The following PTPRR variants were observed in gnomAD, a reference collection of about 807,000 sequenced individuals.
PTPRR encodes the protein protein tyrosine phosphatase receptor type R, also known as receptor-type tyrosine-protein phosphatase R.
Under a neutral mutation model 77.2 loss-of-function variants are expected in PTPRR, and 38 were observed. That is an observed-to-expected ratio of 0.49 (90% CI 0.38 to 0.65). The LOEUF is 0.65. PTPRR is among the 30% of genes least tolerant of loss of function. The pLI is 0.00. For synonymous variants in PTPRR, 299 were observed against 283.1 expected, an observed-to-expected ratio of 1.06 and a Z score of -0.57; for missense variants, 744 against 799.2, an observed-to-expected ratio of 0.93 and a Z score of 0.83.
intron 2 of PTPRR, among the ~76,000 whole-genome samples, chr12:70,860,774 A>G (rs1892739421): frequency 6.6e-6 from 1 of 152,128 alleles, no homozygotes; most frequent in South Asian, 2.1e-4. Context: ...TCTGATAAAA[A>G]AGCATTTACT....
intron 8 of PTPRR, 92 bp from the exon 9 acceptor site, chr12:70,684,875 A>G: frequency 1.2e-6 from 1 of 804,192 alleles, no homozygotes; most frequent in Non-Finnish European, 2.0e-6. Context: ...GAAACCTGTT[A>G]TGTATTGATT....
chr12:70,713,858 AT>A (rs1424718189), intron 6 of PTPRR, among the ~76,000 whole-genome samples: 19 of 152,128 alleles, frequency 1.2e-4, no homozygotes, highest in Admixed American at 7.2e-4. Flanking sequence ...AGTATTTGTG[AT>A]GATTAATTTT....
At chr12:70,663,182 A>C (rs1886859430) in intron 10 of PTPRR, among the ~76,000 whole-genome samples, 1 of 152,124 alleles carries the variant, frequency 6.6e-6, no homozygotes, top group Non-Finnish European at 1.5e-5. Flanking sequence ...AGTTTTTTTC[A>C]CTTATGGAAC....
At chr12:70,661,241 G>A in intron 11 of PTPRR, 144 bp from the exon 12 acceptor site, 1 of 1,019,180 alleles carries the variant, frequency 9.8e-7, no homozygotes, top group Non-Finnish European at 1.5e-6. Context: ...GATTTTTGAA[G>A]AGTGCCCTTT....
At chr12:70,683,085 CAT>C (rs1176890948) in intron 10 of PTPRR, among the ~76,000 whole-genome samples, 1 of 152,064 alleles carries the variant, frequency 6.6e-6, no homozygotes, top group Non-Finnish European at 1.5e-5. Context: ...CTTTAAAACA[CAT>C]ATAAATTGCT....
At chr12:70,704,331 T>C (rs918816508) in intron 6 of PTPRR, among the ~76,000 whole-genome samples, 2 of 151,964 alleles carry the variant, frequency 1.3e-5, no homozygotes, top group African/African-American at 4.8e-5. Context: ...GGCCGGAAGA[T>C]TGCTTGAGCC....
chr12:70,661,526 C>G (rs1886800411), intron 11 of PTPRR, among the ~76,000 whole-genome samples: 1 of 152,074 alleles, frequency 6.6e-6, no homozygotes, highest in Admixed American at 6.6e-5. Context: ...ATCAGTCATG[C>G]TAATACTTCT....
At chr12:70,711,545 A>G (rs1156462) in intron 6 of PTPRR, among the ~76,000 whole-genome samples, 120,416 of 151,722 alleles carry the variant, frequency 0.79, 49,669 homozygotes, top group East Asian at 1. Context: ...GAAATAATGT[A>G]TACAACAAAC....
At chr12:70,643,024 G>C (rs966440149) in intron 13 of PTPRR, among the ~76,000 whole-genome samples, 1 of 152,136 alleles carries the variant, frequency 6.6e-6, no homozygotes, top group African/African-American at 2.4e-5. Context: ...AGAAAAATTA[G>C]CTGGACATGG....
At position 70,684,119 on chromosome 12, in the gene PTPRR, G is replaced by A; in HGVS notation, c.1497+8C>T. The A allele has an allele frequency of 1.9e-6, 3 of 1,613,154 alleles. No homozygotes were observed. The highest frequency in any genetic ancestry group is 1.7e-6 in the Non-Finnish European group (2 of 1,179,476). ...ATATAACATTCAGAACTTGATTAAA[G>A]ATCATACCTCATTTTTTTCTTTGAG... On this transcript the variant is annotated splice_region_variant and intron_variant, in intron 10 of 13. Coordinates refer to ENST00000283228, the MANE Select transcript of PTPRR (RefSeq NM_002849.4).
chr12:70,807,234 T>C (rs1193318020), intron 2 of PTPRR, among the ~76,000 whole-genome samples: 1 of 152,220 alleles, frequency 6.6e-6, no homozygotes, highest in Non-Finnish European at 1.5e-5. Context: ...GTTGAACTAC[T>C]GCATCTACTC....
chr12:70,705,276 T>A (rs914653130), intron 6 of PTPRR, among the ~76,000 whole-genome samples: 30 of 152,190 alleles, frequency 2.0e-4, no homozygotes, highest in African/African-American at 6.5e-4. Flanking sequence ...TACAGTAACA[T>A]TACAACTGAG....
intron 1 of PTPRR, among the ~76,000 whole-genome samples, chr12:70,913,292 A>T (rs1366909383): frequency 6.6e-6 from 1 of 152,162 alleles, no homozygotes; most frequent in East Asian, 1.9e-4. Flanking sequence ...CAACCACTCA[A>T]ATATTCAGAC....
rs570406028 is a variant in PTPRR at position 70,859,655 on chromosome 12, A to G, written c.357+33024T>C. ...ATTTGAGAAGCAGGAAAGGAATTGG[A>G]GTGAGTTTCTTTGTGATGTCTTTTA... is the stretch of plus-strand genomic sequence containing the variant. On this transcript the variant is annotated intron_variant, in intron 2 of 13. Coordinates refer to ENST00000283228, the MANE Select transcript of PTPRR (RefSeq NM_002849.4). Among the ~76,000 whole-genome samples the G allele has an allele frequency of 2.1e-4, 32 of 152,090 alleles. No individual in the cohort carries two copies. In the South Asian group the frequency reaches 6.4e-3, roughly 31 times the overall value.
chr12:70,794,799 A>T (rs1891482909), intron 2 of PTPRR, among the ~76,000 whole-genome samples: 1 of 152,222 alleles, frequency 6.6e-6, no homozygotes, highest in Non-Finnish European at 1.5e-5. Context: ...TGACATAGCC[A>T]CAGGCAGATA....
chr12:70,772,867 ACTTT>A (rs1217692119), intron 2 of PTPRR, among the ~76,000 whole-genome samples: 2 of 151,958 alleles, frequency 1.3e-5, no homozygotes, highest in African/African-American at 4.8e-5. Context: ...AATTTATCTT[ACTTT>A]ATTTTTTTTT....
chr12:70,761,766 T>A lies in PTPRR; in HGVS notation c.472-140A>T, dbSNP rs73343192. Reference sequence around the variant, plus strand: ...GCTTTGTGGAGATTATATTTATTAGTTATTCTCTGATAGACTTAATGTTAC... The same window carrying A: ...GCTTTGTGGAGATTATATTTATTAGATATTCTCTGATAGACTTAATGTTAC... On this transcript the variant is annotated intron_variant, in intron 3 of 13. Coordinates refer to ENST00000283228, the MANE Select transcript of PTPRR (RefSeq NM_002849.4). 1,896 of 628,194 alleles carry A rather than the reference T, an allele frequency of 3.0e-3. 36 individuals carry two copies. The highest frequency in any genetic ancestry group is 0.03 in the African/African-American group (1,609 of 53,386). The allele number at this position is 628,194 out of a possible 1,614,324, so 38.9% of individuals were successfully genotyped here. A position where few individuals can be genotyped will look rare whatever the true frequency, so the allele number is the denominator to read the frequency against.
chr12:70,796,211 G>A (rs7134879), intron 2 of PTPRR, among the ~76,000 whole-genome samples: 21,407 of 151,852 alleles, frequency 0.14, 2,000 homozygotes, highest in African/African-American at 0.26. Context: ...GGCATGAGCC[G>A]CCATGCCTGG....
At chr12:70,782,701 T>C (rs1212807478) in intron 2 of PTPRR, among the ~76,000 whole-genome samples, 1 of 140,488 alleles carries the variant, frequency 7.1e-6, no homozygotes, top group Non-Finnish European at 1.5e-5. Flanking sequence ...GTGGGGGGAG[T>C]GGGGAGGGAT....
Sources: allele counts gnomAD v4.1 joint callset (sites outside exome capture counted in the v4.1 genomes callset), GRCh38; gene constraint gnomAD v4.1.1; transcripts MANE v1.5; gene names NCBI Gene and HGNC (gene_info 2026-07-23, HGNC 2026-07-21).